The following KMT2C variants were observed in gnomAD, a reference collection of about 807,000 sequenced individuals.
The protein encoded by KMT2C is lysine methyltransferase 2C.
KMT2C carries 88 observed loss-of-function variants against 507.9 expected under a neutral mutation model. The observed-to-expected ratio is 0.17, with a 90% CI of 0.15 to 0.21. The LOEUF (loss-of-function observed/expected upper bound fraction) is 0.21. KMT2C is among the 10% of genes least tolerant of loss of function. The pLI is 1.00. For synonymous variants in KMT2C, 2,049 were observed against 2,080.8 expected, an observed-to-expected ratio of 0.98 and a Z score of 0.42; for missense variants, 4,954 against 5,957.8, an observed-to-expected ratio of 0.83 and a Z score of 5.55.
chr7:152,422,791 AGGC>A (rs1225995906), intron 1 of KMT2C, among the ~76,000 whole-genome samples: 1 of 152,150 alleles, frequency 6.6e-6, no homozygotes, highest in Non-Finnish European at 1.5e-5. Context: ...TGGAAGGCCA[AGGC>A]AGGCAGATCA....
At chr7:152,394,910 C>G (rs1442294964) in intron 1 of KMT2C, among the ~76,000 whole-genome samples, 1 of 152,118 alleles carries the variant, frequency 6.6e-6, no homozygotes, top group Non-Finnish European at 1.5e-5. Context: ...TGAATTACAC[C>G]TGGACTTCCA....
At chr7:152,334,526 T>G (rs1013132222) in intron 2 of KMT2C, among the ~76,000 whole-genome samples, 8 of 152,148 alleles carry the variant, frequency 5.3e-5, no homozygotes, top group Non-Finnish European at 1.0e-4. Flanking sequence ...CAAGTTTTAG[T>G]AGGACACATA....
chr7:152,413,983 G>A (rs1244552306), intron 1 of KMT2C, among the ~76,000 whole-genome samples: 3 of 152,138 alleles, frequency 2.0e-5, no homozygotes, highest in Non-Finnish European at 4.4e-5. Context: ...AGGCCAAGGC[G>A]GGCGGACCAC....
intron 42 of KMT2C, 65 bp downstream of exon 42, chr7:152,167,081 C>A: frequency 7.5e-7 from 1 of 1,331,418 alleles, no homozygotes; most frequent in South Asian, 1.3e-5. Flanking sequence ...CACTAATGAA[C>A]AACACACCAA....
At chr7:152,299,781 T>C (rs1463727527) in intron 6 of KMT2C, among the ~76,000 whole-genome samples, 1 of 151,866 alleles carries the variant, frequency 6.6e-6, no homozygotes, top group African/African-American at 2.4e-5. Flanking sequence ...TTAGACCATA[T>C]ACATTTAATG....
rs774994037 is a variant in KMT2C at position 152,162,643 on chromosome 7, G to A, written c.10934C>T (p.Ala3645Val). The A allele has an allele frequency of 3.1e-6, 5 of 1,614,240 alleles. No individual in the cohort carries two copies. The highest frequency in any genetic ancestry group is 3.4e-6 in the Non-Finnish European group (4 of 1,180,034). ...PGISETTSTPAVSTPSELPQQ... is the reference protein window; with the variant it reads ...PGISETTSTPVVSTPSELPQQ... Reference sequence around the variant, plus strand: ...AGGAAGCTCACTGGGTGTGCTCACTGCAGGAGTAGAGGTAGTTTCTGAGAT... The same window carrying A: ...AGGAAGCTCACTGGGTGTGCTCACTACAGGAGTAGAGGTAGTTTCTGAGAT... The change falls in exon 43 of 59, where the codon GCA becomes GTA. Residue 3645 changes from alanine (A) to valine (V), a missense_variant. Around this residue, in one of 29 missense-constraint regions of KMT2C, gnomAD observed 801 missense variants for 751.2 expected, o/e 1.07. Coordinates refer to ENST00000262189, the MANE Select transcript of KMT2C (RefSeq NM_170606.3).
chr7:152,382,028 G>A (rs545318692), intron 1 of KMT2C, among the ~76,000 whole-genome samples: 3 of 152,274 alleles, frequency 2.0e-5, no homozygotes, highest in South Asian at 2.1e-4. Flanking sequence ...ATGGTTGCCC[G>A]TAACATACCA....
chr7:152,177,015 T>G lies in KMT2C; in HGVS notation c.8438A>C (p.Gln2813Pro), dbSNP rs927421885. The change falls in exon 38 of 59, where the codon CAG becomes CCG. Residue 2813 changes from glutamine (Q) to proline (P), a missense_variant. Around this residue, in one of 29 missense-constraint regions of KMT2C, gnomAD observed 1,689 missense variants for 1,654.3 expected, o/e 1.02. Transcript: ENST00000262189. ...TLVLSDKHSP[Q>P]KKSTVTNEVK... ...CTCATTGGTAACAGTGGATTTTTTC[T>G]GTGGTGAATGTTTATCAGAGAGAAC... 1 of 1,614,156 alleles carries G rather than the reference T, an allele frequency of 6.2e-7. No individual in the cohort carries two copies. The highest frequency in any genetic ancestry group is 1.3e-5 in the African/African-American group (1 of 75,042).
intron 1 of KMT2C, among the ~76,000 whole-genome samples, chr7:152,415,328 CTTTG>C (rs1589874393): frequency 7.5e-6 from 1 of 133,428 alleles, no homozygotes; most frequent in East Asian, 2.1e-4. Flanking sequence ...AATTCTAATG[CTTTG>C]TTTACCTATC....
intron 55 of KMT2C, among the ~76,000 whole-genome samples, chr7:152,141,459 C>T (rs570291848): frequency 2.0e-5 from 3 of 151,640 alleles, no homozygotes; most frequent in African/African-American, 7.3e-5. Context: ...CCTGTAATAC[C>T]AGCACTTTGG....
chr7:152,184,552 C>T (rs2093561533), intron 34 of KMT2C, among the ~76,000 whole-genome samples: 1 of 152,132 alleles, frequency 6.6e-6, no homozygotes, highest in Non-Finnish European at 1.5e-5. Context: ...TTTCAAGATG[C>T]ACAAAGATTC....
chr7:152,183,686 C>T (rs150745222), intron 34 of KMT2C, among the ~76,000 whole-genome samples: 146 of 152,182 alleles, frequency 9.6e-4, no homozygotes, highest in African/African-American at 3.2e-3. Context: ...CACCTGAGGT[C>T]GGGAGTTCGA....
At chr7:152,250,682 C>T (rs2095549367) in intron 12 of KMT2C, among the ~76,000 whole-genome samples, 171 bp downstream of exon 12, 1 of 152,178 alleles carries the variant, frequency 6.6e-6, no homozygotes, top group Admixed American at 6.5e-5. Flanking sequence ...AGCTGAACTA[C>T]AAATACACGC....
Position 152,182,877 on chromosome 7 carries a change from T to C in KMT2C, c.5265+97A>G, listed in dbSNP as rs907880816. On this transcript the variant is annotated intron_variant, in intron 35 of 58. Transcript: ENST00000262189. ...AAGTCTATCCTAAATCAAATTTTCATGGTCTAAGAACTATATTCTAAAATA... is the reference window on the plus strand; with the variant it reads ...AAGTCTATCCTAAATCAAATTTTCACGGTCTAAGAACTATATTCTAAAATA... 3.5e-5 allele frequency: 30 copies of C among 866,804 alleles called. No individual in the cohort carries two copies. In the African/African-American group the frequency reaches 4.8e-4, roughly 14 times the overall value. 53.7% of individuals were successfully genotyped at this position (866,804 alleles called of 1,614,324 possible). A position where few individuals can be genotyped will look rare whatever the true frequency, so the allele number is the denominator to read the frequency against.
At chr7:152,311,709 G>T (rs576173735) in intron 5 of KMT2C, 89 bp downstream of exon 5, 4 of 874,772 alleles carry the variant, frequency 4.6e-6, no homozygotes, top group Non-Finnish European at 3.4e-6. Context: ...CTAGATGAAA[G>T]GTATTTATTA....
Position 152,299,182 on chromosome 7 carries a change from G to T in KMT2C, c.849+10784C>A, listed in dbSNP as rs528883282. Among the ~76,000 whole-genome samples the T allele has an allele frequency of 1.9e-4, 29 of 152,160 alleles. No individual in the cohort carries two copies. In the East Asian group the frequency reaches 5.2e-3, roughly 27 times the overall value. ...AAAATACAAAAATTAGCTGGGTGTG[G>T]TGGTGCACGTCTGTAATCCCAGCTA... On this transcript the variant is annotated intron_variant, in intron 6 of 58. Transcript: ENST00000262189.
At chr7:152,355,004 C>T (rs1326496068) in intron 2 of KMT2C, among the ~76,000 whole-genome samples, 5 of 152,126 alleles carry the variant, frequency 3.3e-5, no homozygotes, top group Non-Finnish European at 7.3e-5. Flanking sequence ...AGTTAGGAAG[C>T]TATTGCAGCA....
intron 26 of KMT2C, 148 bp downstream of exon 26, chr7:152,202,785 CT>C (rs1188876940): frequency 1.5e-6 from 1 of 665,790 alleles, no homozygotes; most frequent in Non-Finnish European, 2.5e-6. Context: ...TTATGGACCC[CT>C]GAAAGGTAAA....
intron 37 of KMT2C, among the ~76,000 whole-genome samples, chr7:152,179,223 T>G (rs1362193728): frequency 6.6e-6 from 1 of 152,220 alleles, no homozygotes; most frequent in Non-Finnish European, 1.5e-5. Context: ...CTCGAACTCC[T>G]GACCTCAAGT....
Sources: gnomAD v4.1 joint callset for allele counts (sites outside exome capture counted in the v4.1 genomes callset) on GRCh38, gnomAD v4.1.1 for gene constraint, gnomAD v4.1.1 regional missense constraint, MANE v1.5 for transcripts, NCBI Gene and HGNC (gene_info 2026-07-23, HGNC 2026-07-21) for gene names.